Variants in PCDHA12 observed in about 807,000 individuals in gnomAD.
PCDHA12 encodes protocadherin alpha 12, also known as protocadherin alpha-12.
A neutral mutation model predicts 60.0 loss-of-function variants in PCDHA12; 44 were observed. The ratio of observed to expected loss-of-function variants is 0.73; its 90% CI spans 0.58 to 0.94. The LOEUF (loss-of-function observed/expected upper bound fraction) is 0.94. Among genes scored for constraint, PCDHA12 ranks in the 40% least tolerant of loss-of-function variants. The pLI is 0.00. For missense variants in PCDHA12, 1,276 were observed against 1,239.7 expected, an observed-to-expected ratio of 1.03 and a Z score of -0.44; for synonymous variants, 569 against 553.0, an observed-to-expected ratio of 1.03 and a Z score of -0.40.
intron 3 of PCDHA12, among the ~76,000 whole-genome samples, chr5:141,003,751 T>G (rs3822342): frequency 0.05 from 7,683 of 152,316 alleles, 243 homozygotes; most frequent in South Asian, 0.11. Flanking sequence ...ATATTTTGTA[T>G]AATTATGGTC....
At chr5:140,987,269 G>A (rs1442679377) in intron 3 of PCDHA12, among the ~76,000 whole-genome samples, 8 of 151,806 alleles carry the variant, frequency 5.3e-5, no homozygotes, top group African/African-American at 9.7e-5. Flanking sequence ...AATGGGACCC[G>A]GCAGTCTATG....
At chr5:140,968,508 A>T in intron 1 of PCDHA12, 1 of 1,614,068 alleles carries the variant, frequency 6.2e-7, no homozygotes. Flanking sequence ...CACATTCTGT[A>T]CCCTACCTCA....
chr5:140,943,094 TA>T lies in PCDHA12; in HGVS notation c.2368-35849del, dbSNP rs546939375. Among the ~76,000 whole-genome samples, 19 of 151,404 alleles carry T rather than the reference TA, an allele frequency of 1.3e-4. No individual in the cohort carries two copies. In the East Asian group the frequency reaches 3.7e-3, roughly 29 times the overall value. On this transcript the variant is annotated intron_variant, in intron 1 of 3. Coordinates refer to ENST00000398631, the MANE Select transcript of PCDHA12 (RefSeq NM_018903.4). ...CAACATGGTGAAATCCTGCCTCTAC[TA>T]AAAAATACAAAAATTAGCCAGGTGT... is the stretch of plus-strand genomic sequence containing the variant.
chr5:140,937,653 C>G (rs930742748), intron 1 of PCDHA12, among the ~76,000 whole-genome samples: 1 of 151,298 alleles, frequency 6.6e-6, no homozygotes, highest in Non-Finnish European at 1.5e-5. Context: ...TGGCTCACGC[C>G]TGTAATCCCA....
At chr5:140,916,296 G>C (rs2077516868) in intron 1 of PCDHA12, among the ~76,000 whole-genome samples, 1 of 152,094 alleles carries the variant, frequency 6.6e-6, no homozygotes, top group Admixed American at 6.5e-5. Flanking sequence ...TGGCCAAACT[G>C]GTACCAAAGG....
At position 140,967,833 on chromosome 5, in the gene PCDHA12, T is replaced by G. The variant is rs1554229998; in HGVS notation, c.2368-11116T>G. The G allele has an allele frequency of 1.2e-6, 2 of 1,614,014 alleles. No homozygotes were observed. The highest frequency in any genetic ancestry group is 4.5e-5 in the East Asian group (2 of 44,876). On this transcript the variant is annotated intron_variant, in intron 1 of 3. Transcript: ENST00000398631. The stretch of plus-strand genomic sequence containing the variant: ...CACTGCAAGGTGCTGGTGGACATCG[T>G]GGACGTGAATGACAATGCCCCAGAG...
At chr5:140,928,927 G>T (rs1359556123) in intron 1 of PCDHA12, 1 of 1,613,982 alleles carries the variant, frequency 6.2e-7, no homozygotes, top group Non-Finnish European at 8.5e-7. Context: ...GCAGCTTTCT[G>T]CCCAGAACTT....
intron 3 of PCDHA12, among the ~76,000 whole-genome samples, chr5:140,995,012 AGG>A (rs1360435760): frequency 6.6e-6 from 1 of 152,218 alleles, no homozygotes; most frequent in Non-Finnish European, 1.5e-5. Context: ...GTTTATATTT[AGG>A]AAAGAAGATT....
At chr5:140,883,526 G>A (rs1554178547) in intron 1 of PCDHA12, 2 of 1,614,226 alleles carry the variant, frequency 1.2e-6, no homozygotes, top group East Asian at 2.2e-5. Flanking sequence ...GAGCGTATCA[G>A]CCTATGAACT....
chr5:140,919,306 A>G (rs1407810868), intron 1 of PCDHA12, among the ~76,000 whole-genome samples: 1 of 152,150 alleles, frequency 6.6e-6, no homozygotes. Context: ...TGTACAATAT[A>G]TGTTTTCCCA....
rs782564165 is a variant in PCDHA12, at chr5:141,010,450, G to A, written c.*513G>A. ...AAGAAAACAAAGACAAATAAACAGC[G>A]GAAGTTATCAGTATGGAGGGGAAGT... On this transcript the variant is annotated 3_prime_UTR_variant, in exon 4 of 4. Transcript: ENST00000398631. The A allele has an allele frequency of 6.5e-6, 6 of 920,764 alleles. No individual in the cohort carries two copies. The East Asian group carries it at 8.2e-5, about 13-fold the overall frequency. 57.0% of individuals were successfully genotyped at this position (920,764 alleles called of 1,614,324 possible).
chr5:140,905,995 G>C (rs2072280853), intron 1 of PCDHA12, among the ~76,000 whole-genome samples: 1 of 152,114 alleles, frequency 6.6e-6, no homozygotes. Context: ...ATGTAGGCTG[G>C]GAGGCTAAGC....
chr5:140,953,295 C>T (rs74485628), intron 1 of PCDHA12, among the ~76,000 whole-genome samples: 3,568 of 152,144 alleles, frequency 0.023, 49 homozygotes, highest in Middle Eastern at 0.034. Flanking sequence ...GATTCAGGGA[C>T]GGCAGAGATG....
At chr5:140,937,067 T>C (rs2091302961) in intron 1 of PCDHA12, among the ~76,000 whole-genome samples, 1 of 148,650 alleles carries the variant, frequency 6.7e-6, no homozygotes, top group South Asian at 2.1e-4. Flanking sequence ...AGACGGAGTC[T>C]CGCTCTGTCG....
intron 1 of PCDHA12, among the ~76,000 whole-genome samples, chr5:140,933,797 A>G (rs1419925900): frequency 6.6e-6 from 1 of 152,062 alleles, no homozygotes; most frequent in African/African-American, 2.4e-5. Context: ...GAAAATTTTA[A>G]TTGAGATCAA....
At chr5:140,926,470 G>C (rs1244984672) in intron 1 of PCDHA12, 1 of 162,858 alleles carries the variant, frequency 6.1e-6, no homozygotes. Flanking sequence ...AGAAAACACC[G>C]TTTAAGGAGA....
At chr5:140,909,169 A>G (rs545864609) in intron 1 of PCDHA12, among the ~76,000 whole-genome samples, 1 of 152,356 alleles carries the variant, frequency 6.6e-6, no homozygotes, top group African/African-American at 2.4e-5. Context: ...AAATCAATCA[A>G]GTTCTCTCCA....
chr5:140,882,505 G>A (rs782409687), intron 1 of PCDHA12: 13 of 1,614,168 alleles, frequency 8.1e-6, no homozygotes, highest in South Asian at 2.2e-5. Flanking sequence ...AGGTAAATCT[G>A]CAGAATGGCA....
At chr5:140,926,362 C>G (rs1199629040) in intron 1 of PCDHA12, 4 of 152,268 alleles carry the variant, frequency 2.6e-5, no homozygotes, top group African/African-American at 9.7e-5. Context: ...TCCCAAAGGG[C>G]GGCAGGAAGA....
Sources: allele counts gnomAD v4.1 joint callset (sites outside exome capture counted in the v4.1 genomes callset), GRCh38; gene constraint gnomAD v4.1.1; transcripts MANE v1.5; gene names NCBI Gene and HGNC (gene_info 2026-07-23, HGNC 2026-07-21).